HTATIP2: variants seen among roughly 807,000 people sequenced by gnomAD.
The protein encoded by HTATIP2 is protein HTATIP2.
Under a neutral mutation model 24.7 loss-of-function variants are expected in HTATIP2, and 26 were observed. That is an observed-to-expected ratio of 1.05 (90% CI 0.77 to 1.46). HTATIP2 has a LOEUF of 1.46. Among genes scored for constraint, HTATIP2 ranks in the 40% most tolerant of loss-of-function variants. The probability of loss-of-function intolerance (pLI) is 0.00; values close to 1 mark genes in which losing one functional copy is unlikely to be tolerated. For missense variants in HTATIP2, 284 were observed against 289.6 expected, an observed-to-expected ratio of 0.98 and a Z score of 0.14; for synonymous variants, 99 against 113.2, an observed-to-expected ratio of 0.87 and a Z score of 0.79.
chr11:20,363,728 G>C lies in HTATIP2; in HGVS notation c.-510G>C, dbSNP rs1315309403. On this transcript the variant is annotated 5_prime_UTR_variant, in exon 1 of 5. Coordinates refer to ENST00000451739, the MANE Select transcript of HTATIP2 (RefSeq NM_001098522.2). ...CGGGGCGAGGCAGCGTCGCCGCGAG[G>C]CCACCCGGAAGACCAAGCCGGGTAG... 4.1e-6 allele frequency: 5 copies of C among 1,231,442 alleles called. No homozygotes were observed. 76.3% of individuals were successfully genotyped at this position (1,231,442 alleles called of 1,614,324 possible).
At chr11:20,367,819 A>G (rs1467424577) in intron 2 of HTATIP2, among the ~76,000 whole-genome samples, 4 of 152,232 alleles carry the variant, frequency 2.6e-5, no homozygotes, top group African/African-American at 9.6e-5. Flanking sequence ...TTACTGACGC[A>G]AAAGTCTTTT....
intron 3 of HTATIP2, among the ~76,000 whole-genome samples, chr11:20,381,357 T>C (rs1848518966): frequency 6.6e-6 from 1 of 152,026 alleles, no homozygotes; most frequent in African/African-American, 2.4e-5. Flanking sequence ...GGAGAATTGC[T>C]TGAACCTGGG....
At chr11:20,376,534 G>C in intron 2 of HTATIP2, 46 bp from the exon 3 acceptor site, 4 of 1,610,892 alleles carry the variant, frequency 2.5e-6, no homozygotes, top group Non-Finnish European at 3.4e-6. Flanking sequence ...TCTTTAAGAT[G>C]AACTTGCTGC....
intron 2 of HTATIP2, 92 bp from the exon 3 acceptor site, chr11:20,376,488 T>C (rs10741834): frequency 0.99 from 1,360,093 of 1,372,462 alleles, 674,819 homozygotes; most frequent in East Asian, 1. Context: ...TCCATCCTTC[T>C]AGGCCTCCCA....
intron 3 of HTATIP2, among the ~76,000 whole-genome samples, chr11:20,380,238 G>A (rs1357589834): frequency 6.6e-6 from 1 of 152,174 alleles, no homozygotes; most frequent in Non-Finnish European, 1.5e-5. Context: ...GGGAATGGTG[G>A]GAACACACCG....
At chr11:20,379,760 G>A (rs1848492642) in intron 3 of HTATIP2, among the ~76,000 whole-genome samples, 1 of 152,116 alleles carries the variant, frequency 6.6e-6, no homozygotes, top group Admixed American at 6.6e-5. Flanking sequence ...TTCCAGACAT[G>A]TGACATTTTA....
At chr11:20,365,206 C>G (rs993306811) in intron 1 of HTATIP2, among the ~76,000 whole-genome samples, 5 of 152,090 alleles carry the variant, frequency 3.3e-5, no homozygotes, top group African/African-American at 1.2e-4. Flanking sequence ...CCAGGCTGGT[C>G]TCGAACTCTT....
At chr11:20,371,889 T>C (rs189261001) in intron 2 of HTATIP2, among the ~76,000 whole-genome samples, 234 of 152,236 alleles carry the variant, frequency 1.5e-3, no homozygotes, top group Admixed American at 2.7e-3. Flanking sequence ...TCCCCTACCA[T>C]TGAACATCAA....
chr11:20,370,503 C>A (rs547467987), intron 2 of HTATIP2, among the ~76,000 whole-genome samples: 1 of 152,248 alleles, frequency 6.6e-6, no homozygotes, highest in African/African-American at 2.4e-5. Flanking sequence ...ATTAGTGTGG[C>A]CACTGTGACA....
intron 1 of HTATIP2, among the ~76,000 whole-genome samples, chr11:20,365,235 C>A (rs1206322910): frequency 1.3e-5 from 2 of 152,140 alleles, no homozygotes; most frequent in African/African-American, 4.8e-5. Context: ...ATGATGCTCC[C>A]GCTTCAGCCT....
At chr11:20,380,995 A>G (rs1462084335) in intron 3 of HTATIP2, among the ~76,000 whole-genome samples, 2 of 152,192 alleles carry the variant, frequency 1.3e-5, no homozygotes, top group Non-Finnish European at 2.9e-5. Flanking sequence ...TAGAAGGTAC[A>G]TTAGTGGTTG....
rs570931378 is a variant in HTATIP2, at chr11:20,376,450, T to C, written c.304-130T>C. On this transcript the variant is annotated intron_variant, in intron 2 of 4. Coordinates refer to ENST00000451739, the MANE Select transcript of HTATIP2 (RefSeq NM_001098522.2). ...CCAGGGTCTAAGCCTGACTTTCATGTATTGCTTGGACACATTTTATTTAGA... is the reference window on the plus strand; with the variant it reads ...CCAGGGTCTAAGCCTGACTTTCATGCATTGCTTGGACACATTTTATTTAGA... 11 of 1,008,480 alleles carry C rather than the reference T, an allele frequency of 1.1e-5. No homozygotes were observed. In the African/African-American group the frequency reaches 1.8e-4, roughly 16 times the overall value. The allele number at this position is 1,008,480 out of a possible 1,614,324, so 62.5% of individuals were successfully genotyped here.
At chr11:20,370,393 G>A (rs1480214942) in intron 2 of HTATIP2, among the ~76,000 whole-genome samples, 4 of 152,178 alleles carry the variant, frequency 2.6e-5, no homozygotes, top group African/African-American at 7.2e-5. Flanking sequence ...AAGGTGGTTC[G>A]ATGTGGTTTC....
chr11:20,382,167 T>C lies in HTATIP2; in HGVS notation c.442-11T>C. ...GCGATTAAATACTGAAAATGTGTTT[T>C]TTCTTAATAGGGAGAAGTAGAAGCC... On this transcript the variant is annotated splice_polypyrimidine_tract_variant and intron_variant, in intron 3 of 4. Coordinates refer to ENST00000451739, the MANE Select transcript of HTATIP2 (RefSeq NM_001098522.2). 6.5e-7 allele frequency: 1 copy of C among 1,541,496 alleles called. No homozygotes were observed. The highest frequency in any genetic ancestry group is 1.1e-5 in the South Asian group (1 of 89,400).
rs1479666343 is a variant in HTATIP2 at position 20,364,005 on chromosome 11, G to A, written c.-233G>A. Reference sequence around the variant, plus strand: ...ATGCCCAGTGATGCCAGCAGCTTGTGGCACCTGGGCGCACCCTCCAGCTCG... The same window carrying A: ...ATGCCCAGTGATGCCAGCAGCTTGTAGCACCTGGGCGCACCCTCCAGCTCG... On this transcript the variant is annotated 5_prime_UTR_variant, in exon 1 of 5. The change creates a premature stop within an existing upstream ORF in the 5' untranslated region. Coordinates refer to ENST00000451739, the MANE Select transcript of HTATIP2 (RefSeq NM_001098522.2). 6 of 1,271,916 alleles carry A rather than the reference G, an allele frequency of 4.7e-6. No individual in the cohort carries two copies. The highest frequency in any genetic ancestry group is 5.9e-6 in the Non-Finnish European group (6 of 1,008,930). 78.8% of individuals were successfully genotyped at this position (1,271,916 alleles called of 1,614,324 possible). A position where few individuals can be genotyped will look rare whatever the true frequency, so the allele number is the denominator to read the frequency against.
Position 20,364,040 on chromosome 11 carries a change from C to G in HTATIP2, c.-198C>G. 1 of 1,323,256 alleles carries G rather than the reference C, an allele frequency of 7.6e-7. No individual in the cohort carries two copies. The highest frequency in any genetic ancestry group is 9.6e-7 in the Non-Finnish European group (1 of 1,036,940). The allele number at this position is 1,323,256 out of a possible 1,614,324, so 82.0% of individuals were successfully genotyped here. On this transcript the variant is annotated 5_prime_UTR_variant, in exon 1 of 5. Coordinates refer to ENST00000451739, the MANE Select transcript of HTATIP2 (RefSeq NM_001098522.2). ...CGCACCCTCCAGCTCGGGCCCCTTC[C>G]GATGGGTCTGCTGGCTCAGGTGCGG...
At chr11:20,370,772 C>G (rs1267666879) in intron 2 of HTATIP2, among the ~76,000 whole-genome samples, 2 of 152,170 alleles carry the variant, frequency 1.3e-5, no homozygotes, top group Non-Finnish European at 2.9e-5. Context: ...GCCTCAGCCT[C>G]CCAAGTAGCT....
chr11:20,378,437 G>C (rs1167915648), intron 3 of HTATIP2, among the ~76,000 whole-genome samples: 1 of 152,076 alleles, frequency 6.6e-6, no homozygotes, highest in Non-Finnish European at 1.5e-5. Context: ...TGAGCAGCTG[G>C]GACTACAGGC....
At chr11:20,368,248 A>C (rs768162933) in intron 2 of HTATIP2, among the ~76,000 whole-genome samples, 31 of 152,180 alleles carry the variant, frequency 2.0e-4, no homozygotes, top group Non-Finnish European at 4.3e-4. Flanking sequence ...TTAGGTTTAT[A>C]AGCCAGACCC....
Sources: allele counts gnomAD v4.1 joint callset (sites outside exome capture counted in the v4.1 genomes callset), GRCh38; gene constraint gnomAD v4.1.1; transcripts MANE v1.5; gene names NCBI Gene and HGNC (gene_info 2026-07-23, HGNC 2026-07-21).